IGSF21: variants seen among roughly 807,000 people sequenced by gnomAD.
The protein encoded by IGSF21 is immunoglobulin superfamily member 21.
Under a neutral mutation model 46.8 loss-of-function variants are expected in IGSF21, and 28 were observed. That is an observed-to-expected ratio of 0.60 (90% CI 0.44 to 0.82). IGSF21 has a LOEUF of 0.82. IGSF21 is among the 40% of genes least tolerant of loss of function. The pLI, the probability that IGSF21 is intolerant of heterozygous loss-of-function variation, is 0.00. For missense variants in IGSF21, 624 were observed against 665.5 expected, an observed-to-expected ratio of 0.94 and a Z score of 0.69; for synonymous variants, 284 against 273.6, an observed-to-expected ratio of 1.04 and a Z score of -0.38.
At chr1:18,245,854 T>G (rs796796952) in intron 2 of IGSF21, among the ~76,000 whole-genome samples, 9 of 152,044 alleles carry the variant, frequency 5.9e-5, no homozygotes, top group African/African-American at 2.2e-4. Flanking sequence ...CCACTTAGAG[T>G]CAGATCAGGA....
intron 3 of IGSF21, among the ~76,000 whole-genome samples, chr1:18,295,412 A>C (rs1226173687): frequency 6.6e-6 from 1 of 152,208 alleles, no homozygotes; most frequent in African/African-American, 2.4e-5. Context: ...ACGGCTTTGC[A>C]ATCTAGTCGG....
intron 2 of IGSF21, among the ~76,000 whole-genome samples, chr1:18,265,186 G>T (rs1015728802): frequency 1.3e-5 from 2 of 152,184 alleles, no homozygotes; most frequent in African/African-American, 4.8e-5. Context: ...GATATTTATG[G>T]TATTTGTTTT....
intron 1 of IGSF21, among the ~76,000 whole-genome samples, chr1:18,129,683 T>C (rs2086301352): frequency 6.6e-6 from 1 of 152,164 alleles, no homozygotes; most frequent in African/African-American, 2.4e-5. Flanking sequence ...CAACCCCTCA[T>C]GGTAGGCATC....
intron 2 of IGSF21, among the ~76,000 whole-genome samples, chr1:18,267,813 C>G (rs899311629): frequency 1.3e-5 from 2 of 152,262 alleles, no homozygotes; most frequent in East Asian, 3.8e-4. Flanking sequence ...TGCAGGCCAA[C>G]TCTGGGCCAC....
At chr1:18,228,424 T>C (rs2084591310) in intron 2 of IGSF21, among the ~76,000 whole-genome samples, 1 of 152,114 alleles carries the variant, frequency 6.6e-6, no homozygotes, top group African/African-American at 2.4e-5. Context: ...CAAAATCAAA[T>C]CACAGAGATA....
chr1:18,306,815 G>A (rs2085430737), intron 3 of IGSF21, among the ~76,000 whole-genome samples: 1 of 152,198 alleles, frequency 6.6e-6, no homozygotes, highest in African/African-American at 2.4e-5. Context: ...TGTTTGTGCT[G>A]GATGATGGGA....
intron 1 of IGSF21, among the ~76,000 whole-genome samples, chr1:18,202,306 CA>C (rs2087083577): frequency 6.6e-6 from 1 of 152,216 alleles, no homozygotes; most frequent in Non-Finnish European, 1.5e-5. Flanking sequence ...CGGCTCAAGG[CA>C]AACTCTGGGA....
intron 4 of IGSF21, among the ~76,000 whole-genome samples, chr1:18,351,239 G>A (rs2085950490): frequency 6.6e-6 from 1 of 150,536 alleles, no homozygotes; most frequent in Non-Finnish European, 1.5e-5. Context: ...CTTTCTGCTC[G>A]CTAAGTGGCA....
In IGSF21 at chr1:18,365,246, A is replaced by G; in HGVS notation, c.564A>G (p.Glu188=). 6.2e-7 allele frequency: 1 copy of G among 1,604,664 alleles called. No individual in the cohort carries two copies. The highest frequency in any genetic ancestry group is 8.5e-7 in the Non-Finnish European group (1 of 1,174,240). ...APMVYFKRDG[E]PIDAVPLSEP... ...AGGTTTATTTCAAACGAGATGGGGA[A>G]CCAATCGACGCAGTGCCCCTATCAG... Residue 188 remains glutamate (E), a synonymous_variant, in exon 6 of 10, where the codon GAA becomes GAG. Coordinates refer to ENST00000251296, the MANE Select transcript of IGSF21 (RefSeq NM_032880.5). The surrounding 1 kb of genome is among the most constrained non-coding windows in gnomAD (Gnocchi z 4.8).
intron 1 of IGSF21, among the ~76,000 whole-genome samples, chr1:18,175,432 C>T (rs758857298): frequency 2.0e-5 from 3 of 151,974 alleles, no homozygotes; most frequent in South Asian, 2.1e-4. Context: ...CGGGAGGAAA[C>T]GAGAAAGAGC....
intron 2 of IGSF21, among the ~76,000 whole-genome samples, chr1:18,278,203 CATTCATTTATTTATTTATTT>C (rs59327082): frequency 0.28 from 34,038 of 122,748 alleles, 4,300 homozygotes; most frequent in African/African-American, 0.37. Context: ...AACATGGCTG[CATTCATTTATTTATTTATTT>C]ATTTATTTAT....
At chr1:18,117,824 T>C (rs1203561845) in intron 1 of IGSF21, among the ~76,000 whole-genome samples, 1 of 152,222 alleles carries the variant, frequency 6.6e-6, no homozygotes, top group African/African-American at 2.4e-5. Flanking sequence ...GCTGGGAAAT[T>C]ATCTGCACTG....
chr1:18,333,487 C>G (rs1312277941), intron 3 of IGSF21, among the ~76,000 whole-genome samples: 1 of 152,146 alleles, frequency 6.6e-6, no homozygotes, highest in Non-Finnish European at 1.5e-5. Context: ...TTCCTGCTTA[C>G]AAAAGTCCTG....
chr1:18,132,742 G>A (rs1419618698), intron 1 of IGSF21, among the ~76,000 whole-genome samples: 1 of 152,144 alleles, frequency 6.6e-6, no homozygotes, highest in Admixed American at 6.5e-5. Flanking sequence ...GGGCAAGGGG[G>A]TGGGGGACCG....
intron 1 of IGSF21, among the ~76,000 whole-genome samples, chr1:18,186,896 C>G (rs1216907126): frequency 6.6e-6 from 1 of 152,086 alleles, no homozygotes; most frequent in African/African-American, 2.4e-5. Context: ...TGGAGGCCTT[C>G]CTGGCTGTGT....
intron 2 of IGSF21, among the ~76,000 whole-genome samples, chr1:18,234,109 C>T (rs1264643375): frequency 6.6e-6 from 1 of 152,182 alleles, no homozygotes. Context: ...TTTGGCCCTT[C>T]TTGCTTGGCA....
intron 2 of IGSF21, among the ~76,000 whole-genome samples, chr1:18,274,953 G>C (rs2085084845): frequency 6.6e-6 from 1 of 152,170 alleles, no homozygotes. Flanking sequence ...CTTGAGCCTG[G>C]GAGACAGAGG....
At chr1:18,247,048 CTT>C (rs34980016) in intron 2 of IGSF21, among the ~76,000 whole-genome samples, 4,836 of 122,354 alleles carry the variant, frequency 0.04, 214 homozygotes, top group African/African-American at 0.15. Context: ...AGCTGGAATT[CTT>C]TTTTTTTTTT....
intron 1 of IGSF21, among the ~76,000 whole-genome samples, chr1:18,208,437 A>T (rs973946185): frequency 2.2e-5 from 3 of 135,392 alleles, no homozygotes; most frequent in African/African-American, 8.1e-5. Context: ...GCTGGAGTGC[A>T]GTGGCGCAAT....
Sources: allele counts gnomAD v4.1 joint callset (sites outside exome capture counted in the v4.1 genomes callset), GRCh38; gene constraint gnomAD v4.1.1; non-coding constraint Gnocchi (gnomAD v3.1); transcripts MANE v1.5; gene names NCBI Gene and HGNC (gene_info 2026-07-23, HGNC 2026-07-21).